SDK1: variants seen among roughly 807,000 people sequenced by gnomAD.
The protein encoded by SDK1 is protein sidekick-1.
Under a neutral mutation model 245.5 loss-of-function variants are expected in SDK1, and 157 were observed. The ratio of observed to expected loss-of-function variants is 0.64; its 90% CI spans 0.56 to 0.73. The LOEUF (loss-of-function observed/expected upper bound fraction) is 0.73. Among genes scored for constraint, SDK1 ranks in the 30% least tolerant of loss-of-function variants. The pLI is 0.00. For synonymous variants in SDK1, 1,647 were observed against 1,278.5 expected (o/e 1.29, Z -6.15); for missense variants, 3,583 against 3,002.3 (o/e 1.19, Z -4.52).
At chr7:3,896,524 C>G (rs1055850082) in intron 5 of SDK1, among the ~76,000 whole-genome samples, 3 of 152,210 alleles carry the variant, frequency 2.0e-5, no homozygotes, top group African/African-American at 7.2e-5. Flanking sequence ...GCTTTAGCCT[C>G]CTGGGCCTCC....
chr7:3,630,276 A>G (rs1782250189), intron 2 of SDK1, among the ~76,000 whole-genome samples: 1 of 152,228 alleles, frequency 6.6e-6, no homozygotes, highest in African/African-American at 2.4e-5. Context: ...AAGGCAAGAA[A>G]AAGAAATAAA....
At chr7:3,802,427 C>T (rs1424007823) in intron 4 of SDK1, among the ~76,000 whole-genome samples, 2 of 152,032 alleles carry the variant, frequency 1.3e-5, no homozygotes, top group Non-Finnish European at 2.9e-5. Flanking sequence ...CCCAGCTACT[C>T]AGCAGGCTGA....
At chr7:3,981,998 A>G (rs1229080336) in intron 13 of SDK1, among the ~76,000 whole-genome samples, 1 of 152,222 alleles carries the variant, frequency 6.6e-6, no homozygotes, top group African/African-American at 2.4e-5. Flanking sequence ...GGACTTTCCT[A>G]GTTACGGAGG....
intron 35 of SDK1, among the ~76,000 whole-genome samples, chr7:4,192,175 A>G (rs1166606244): frequency 6.6e-6 from 1 of 152,218 alleles, no homozygotes; most frequent in African/African-American, 2.4e-5. Flanking sequence ...TCAGTTACAG[A>G]TGGAAGGTTT....
intron 1 of SDK1, among the ~76,000 whole-genome samples, chr7:3,401,582 C>T (rs1464057514): frequency 2.6e-5 from 4 of 152,122 alleles, no homozygotes; most frequent in African/African-American, 4.8e-5. Context: ...GCTGTGGCCA[C>T]AATATACTGA....
chr7:4,174,438 G>A, intron 33 of SDK1, 81 bp downstream of exon 33: 2 of 1,445,568 alleles, frequency 1.4e-6, no homozygotes, highest in Admixed American at 3.6e-5. Flanking sequence ...ACATCATGGT[G>A]GGAAACGCTG....
At chr7:3,742,975 T>C (rs2051916) in intron 4 of SDK1, among the ~76,000 whole-genome samples, 9,922 of 152,264 alleles carry the variant, frequency 0.065, 1,083 homozygotes, top group African/African-American at 0.23. Context: ...TGACCCTCAT[T>C]AACATGAGGA....
intron 1 of SDK1, among the ~76,000 whole-genome samples, chr7:3,468,716 C>G (rs373204183): frequency 6.6e-6 from 1 of 152,156 alleles, no homozygotes; most frequent in Admixed American, 6.5e-5. Flanking sequence ...AGCATTAGAT[C>G]GTACTGTCTC....
At chr7:3,493,925 A>T (rs907262602) in intron 1 of SDK1, among the ~76,000 whole-genome samples, 1 of 152,226 alleles carries the variant, frequency 6.6e-6, no homozygotes, top group African/African-American at 2.4e-5. Context: ...AGCAGCTCAC[A>T]AGTCATCAAA....
chr7:3,375,982 G>A (rs1781346064), intron 1 of SDK1, among the ~76,000 whole-genome samples: 2 of 152,206 alleles, frequency 1.3e-5, no homozygotes, highest in Admixed American at 1.3e-4. Flanking sequence ...TGTGGGGATA[G>A]CCAGCTAGAA....
chr7:3,411,112 C>G (rs548246954), intron 1 of SDK1, among the ~76,000 whole-genome samples: 2 of 152,220 alleles, frequency 1.3e-5, no homozygotes, highest in African/African-American at 4.8e-5. Context: ...AGGAGTGAGG[C>G]TTGGTATTTG....
At chr7:3,425,359 A>C (rs1583838108) in intron 1 of SDK1, among the ~76,000 whole-genome samples, 1 of 152,298 alleles carries the variant, frequency 6.6e-6, no homozygotes, top group African/African-American at 2.4e-5. Context: ...TTTCCCTTTA[A>C]GCATAAATCT....
At chr7:3,319,022 G>T (rs557109520) in intron 1 of SDK1, among the ~76,000 whole-genome samples, 33 of 151,966 alleles carry the variant, frequency 2.2e-4, no homozygotes, top group Middle Eastern at 3.4e-3. Flanking sequence ...CCTGAGGAAG[G>T]ACATTCATGA....
In SDK1 at chr7:3,580,996, C is replaced by CAAAAAAAAAA. The variant is rs1418335916; in HGVS notation, c.299-38080_299-38079insAAAAAAAAAA. ...AAAAAAAAAAAAAAAAAAAAAAAACCAAAACAAAACCCTGGAAGACAATCT... is the reference window on the plus strand; with the variant it reads ...AAAAAAAAAAAAAAAAAAAAAAAACCAAAAAAAAAAAAAACAAAACCCTGGAAGACAATCT... On this transcript the variant is annotated intron_variant, in intron 1 of 44. Transcript: ENST00000404826. 3.5e-3 allele frequency among the ~76,000 whole-genome samples: 324 copies of CAAAAAAAAAA among 92,914 alleles called. 63 individuals are homozygous for CAAAAAAAAAA. Among genetic ancestry groups the CAAAAAAAAAA allele is most frequent in the East Asian group, 9.4e-3 (26 of 2,776 alleles). 61.0% of individuals were successfully genotyped at this position (92,914 alleles called of 152,430 possible).
chr7:3,639,175 A>T, intron 3 of SDK1, 65 bp downstream of exon 3: 1 of 872,370 alleles, frequency 1.1e-6, no homozygotes, highest in Non-Finnish European at 1.8e-6. Context: ...AGTCAATCAG[A>T]ATCACTTTTC....
chr7:3,759,232 C>A (rs1232381286), intron 4 of SDK1, among the ~76,000 whole-genome samples: 1 of 152,188 alleles, frequency 6.6e-6, no homozygotes, highest in Non-Finnish European at 1.5e-5. Context: ...CTGTAAAATG[C>A]TGTACTTTCT....
chr7:4,171,346 T>C (rs1781826308), intron 32 of SDK1, among the ~76,000 whole-genome samples: 1 of 152,230 alleles, frequency 6.6e-6, no homozygotes, highest in African/African-American at 2.4e-5. Context: ...ATCTGTAGAT[T>C]GTCCCGATGG....
intron 1 of SDK1, among the ~76,000 whole-genome samples, chr7:3,361,016 C>T (rs1352917521): frequency 2.0e-5 from 3 of 152,166 alleles, no homozygotes; most frequent in Non-Finnish European, 4.4e-5. Flanking sequence ...TTGGGAGTTA[C>T]ATCCATCATC....
At chr7:4,005,039 C>CTTTTTTTTTTTTT (rs1162979240) in intron 14 of SDK1, among the ~76,000 whole-genome samples, 1 of 90,994 alleles carries the variant, frequency 1.1e-5, no homozygotes, top group Non-Finnish European at 2.1e-5. Context: ...GTTCCTGCAC[C>CTTTTTTTTTTTTT]TTTTTTTTTT....
Sources: allele counts gnomAD v4.1 joint callset (sites outside exome capture counted in the v4.1 genomes callset), GRCh38; gene constraint gnomAD v4.1.1; transcripts MANE v1.5; gene names NCBI Gene and HGNC (gene_info 2026-07-23, HGNC 2026-07-21).